The following CHM variants were observed in gnomAD, a reference collection of about 807,000 sequenced individuals.
CHM encodes the protein rab proteins geranylgeranyltransferase component A 1.
Under a neutral mutation model 49.0 loss-of-function variants are expected in CHM, and 10 were observed. The ratio of observed to expected loss-of-function variants is 0.20; its 90% CI spans 0.13 to 0.35. CHM has a LOEUF of 0.35. Among genes scored for constraint, CHM ranks in the 10% least tolerant of loss-of-function variants. CHM has a pLI of 1.00. For missense variants in CHM, 455 were observed against 478.4 expected (o/e 0.95, Z 0.46); for synonymous variants, 184 against 167.5 (o/e 1.10, Z -0.76).
At chrX:85,943,615 A>G (rs2147642385) in intron 8 of CHM, among the ~76,000 whole-genome samples, 1 of 112,421 alleles carries the variant, frequency 8.9e-6, no homozygotes, top group East Asian at 2.8e-4. Flanking sequence ...TGCATCCATA[A>G]TGAGAAAATA....
chrX:85,924,861 CA>C (rs774996913), intron 8 of CHM, among the ~76,000 whole-genome samples: 2 of 110,636 alleles, frequency 1.8e-5, no homozygotes, highest in African/African-American at 6.6e-5. Flanking sequence ...AAAAAGCTGT[CA>C]AAAAAAACAA....
chrX:85,894,236 G>C lies in CHM; in HGVS notation c.1462C>G (p.Arg488Gly). ...PAEEPGTFAV[R>G]VIELCSSTMT... ...GTTGAAGAACATAACTCAATGACCC[G>C]AACAGCAAAAGTTCCTGGTTCCTCT... The change falls in exon 12 of 15, where the codon CGG becomes GGG. Residue 488 changes from arginine to glycine, a missense_variant. Coordinates refer to ENST00000357749, the MANE Select transcript of CHM (RefSeq NM_000390.4). 1.7e-6 allele frequency: 2 copies of C among 1,210,253 alleles called. No homozygotes were observed. The highest frequency in any genetic ancestry group is 2.2e-6 in the Non-Finnish European group (2 of 894,696).
chrX:86,041,661 C>T (rs1934459484), intron 1 of CHM, among the ~76,000 whole-genome samples: 1 of 102,292 alleles, frequency 9.8e-6, no homozygotes, highest in Non-Finnish European at 2.0e-5. Flanking sequence ...CTGCCCTCCC[C>T]AAAAACATAT....
chrX:85,902,634 A>G (rs1463160049), intron 9 of CHM, among the ~76,000 whole-genome samples: 2 of 111,607 alleles, frequency 1.8e-5, no homozygotes, highest in East Asian at 5.6e-4. Context: ...GCCTTATAAA[A>G]TACTTAAGAA....
Position 85,969,103 on chromosome X carries a change from C to CA in CHM, c.315-5052dup, listed in dbSNP as rs1225984634. 308 of 691,474 alleles carry CA rather than the reference C, an allele frequency of 4.5e-4. 1 individual carries two copies. In the African/African-American group the frequency reaches 4.5e-3, roughly 10 times the overall value. The allele number at this position is 691,474 out of a possible 1,213,427, so 57.0% of individuals were successfully genotyped here. A position where few individuals can be genotyped will look rare whatever the true frequency, so the allele number is the denominator to read the frequency against. The stretch of plus-strand genomic sequence containing the variant: ...TCAGTAGAATTTTAGATTCCTATTG[C>CA]AAAAAAATCTTTATTTTTGGTATGA... On this transcript the variant is annotated intron_variant, in intron 4 of 14. Transcript: ENST00000357749.
intron 2 of CHM, among the ~76,000 whole-genome samples, chrX:86,000,439 A>C (rs1195392913): frequency 3.8e-5 from 4 of 104,516 alleles, no homozygotes; most frequent in South Asian, 8.9e-4. Context: ...TATGGAAAAC[A>C]GTATGGAGGG....
In CHM at chrX:85,879,008, T is replaced by G. The variant is rs2148126417; in HGVS notation, c.1566A>C (p.Ser522=). 1.7e-6 allele frequency: 2 copies of G among 1,205,308 alleles called. No individual in the cohort carries two copies. The highest frequency in any genetic ancestry group is 2.2e-6 in the Non-Finnish European group (2 of 890,814). Residue 522 remains serine, a synonymous_variant, in exon 13 of 15, where the codon TCA becomes TCC. Transcript: ENST00000357749. ...ATGGAACAAACAATTTCTGCACAAC[T>G]GATTCTAAATCTTCTCTTGCTGTTT... ...SSKTAREDLE[S]VVQKLFVPYT... is the part of the protein sequence containing the mutation.
intron 8 of CHM, among the ~76,000 whole-genome samples, chrX:85,924,649 T>C (rs1927980529): frequency 8.9e-6 from 1 of 111,762 alleles, no homozygotes; most frequent in Non-Finnish European, 1.9e-5. Context: ...AGGAACAGGT[T>C]AGTTTCTGTG....
rs1034609716 is a variant in CHM at position 85,873,289 on chromosome X, C to T, written c.1610-77G>A. The T allele has an allele frequency of 1.2e-4, 91 of 743,527 alleles. 1 individual carries two copies. The highest frequency in any genetic ancestry group is 1.7e-4 in the Non-Finnish European group (86 of 506,323). 61.3% of individuals were successfully genotyped at this position (743,527 alleles called of 1,213,427 possible). On this transcript the variant is annotated intron_variant, in intron 13 of 14. Coordinates refer to ENST00000357749, the MANE Select transcript of CHM (RefSeq NM_000390.4). ...AATTACTACACTGTGTAGCCTATTA[C>T]CGATTAAGCCATGACTAGACATAGT...
chrX:86,019,987 G>GA (rs11409659), intron 2 of CHM, among the ~76,000 whole-genome samples: 45,645 of 109,362 alleles, frequency 0.42, 6,853 homozygotes, highest in African/African-American at 0.47. Flanking sequence ...AGGAAAGACA[G>GA]ATGAGATTAA....
intron 8 of CHM, among the ~76,000 whole-genome samples, chrX:85,941,582 G>GA (rs1405721502): frequency 4.5e-5 from 5 of 110,392 alleles, no homozygotes; most frequent in African/African-American, 1.3e-4. Flanking sequence ...TCAATTTTTG[G>GA]AAAAAAAGAC....
chrX:85,991,299 A>C (rs2147730367), intron 2 of CHM, among the ~76,000 whole-genome samples: 1 of 111,872 alleles, frequency 8.9e-6, no homozygotes, highest in African/African-American at 3.2e-5. Context: ...TGTAGAGTTT[A>C]GTCACTAGTC....
chrX:85,928,303 G>T (rs747628559), intron 8 of CHM, among the ~76,000 whole-genome samples: 1 of 112,022 alleles, frequency 8.9e-6, no homozygotes, highest in East Asian at 2.8e-4. Context: ...AGCACTTTGG[G>T]AGGCCGAGGC....
chrX:86,039,444 T>C (rs762954534), intron 1 of CHM, among the ~76,000 whole-genome samples: 3 of 90,242 alleles, frequency 3.3e-5, no homozygotes, highest in African/African-American at 8.6e-5. Context: ...TTCAAAGCAA[T>C]ATAAAATGAT....
intron 1 of CHM, among the ~76,000 whole-genome samples, chrX:86,034,048 T>G (rs769573103): frequency 8.9e-6 from 1 of 111,791 alleles, no homozygotes; most frequent in Non-Finnish European, 1.9e-5. Flanking sequence ...TCAAGAGTAC[T>G]GAATTAAGAA....
At chrX:86,040,739 T>C (rs142360411) in intron 1 of CHM, among the ~76,000 whole-genome samples, 11 of 112,050 alleles carry the variant, frequency 9.8e-5, no homozygotes, top group African/African-American at 2.9e-4. Flanking sequence ...GCTCTCATAA[T>C]CATGCTCTAA....
chrX:86,039,094 T>C (rs1209810215), intron 1 of CHM, among the ~76,000 whole-genome samples: 1 of 112,151 alleles, frequency 8.9e-6, no homozygotes, highest in Non-Finnish European at 1.9e-5. Context: ...ACTGTGAAAA[T>C]GAGACAATGC....
chrX:85,895,142 T>TG (rs1925740828), intron 11 of CHM, among the ~76,000 whole-genome samples: 2 of 99,741 alleles, frequency 2.0e-5, no homozygotes, highest in African/African-American at 3.9e-5. Context: ...TTTTGTTTTT[T>TG]TTTTTTTTTT....
intron 2 of CHM, among the ~76,000 whole-genome samples, chrX:86,021,077 T>C (rs1569254832): frequency 3.1e-5 from 3 of 95,454 alleles, no homozygotes; most frequent in Non-Finnish European, 6.2e-5. Flanking sequence ...CACATATATA[T>C]ACACACATAT....
Sources: allele counts gnomAD v4.1 joint callset (sites outside exome capture counted in the v4.1 genomes callset), GRCh38; gene constraint gnomAD v4.1.1; transcripts MANE v1.5; gene names NCBI Gene and HGNC (gene_info 2026-07-23, HGNC 2026-07-21).